SERPINE2: variants seen among roughly 807,000 people sequenced by gnomAD.
SERPINE2 encodes the protein glia-derived nexin.
A neutral mutation model predicts 36.3 loss-of-function variants in SERPINE2; 14 were observed. The observed-to-expected ratio is 0.39, with a 90% CI of 0.25 to 0.60. The LOEUF (loss-of-function observed/expected upper bound fraction) is 0.60. Ranked by LOEUF, SERPINE2 falls within the 20% of genes least tolerant of loss-of-function variation. The pLI, the probability that SERPINE2 is intolerant of heterozygous loss-of-function variation, is 0.57. For missense variants in SERPINE2, 418 were observed against 499.6 expected (o/e 0.84, Z 1.56); for synonymous variants, 192 against 191.8 (o/e 1.00, Z -0.01).
At chr2:223,987,932 T>C (rs1690499703) in intron 4 of SERPINE2, among the ~76,000 whole-genome samples, 1 of 152,214 alleles carries the variant, frequency 6.6e-6, no homozygotes, top group African/African-American at 2.4e-5. Flanking sequence ...TAAATATGGA[T>C]TTCCTGAGGA....
Position 223,975,859 on chromosome 2 carries a change from T to C in SERPINE2, c.*8A>G, listed in dbSNP as rs1689990412. ...TCGTTGCTTTGCATGGTTTCTTTTG[T>C]ATACTCTTCAGGGTTTGTTTATCTG... On this transcript the variant is annotated 3_prime_UTR_variant, in exon 9 of 9. Coordinates refer to ENST00000409304, the MANE Select transcript of SERPINE2 (RefSeq NM_001136528.2). 1.9e-6 allele frequency: 3 copies of C among 1,580,976 alleles called. No individual in the cohort carries two copies. Among genetic ancestry groups the C allele is most frequent in the Non-Finnish European group, 2.6e-6 (3 of 1,158,826 alleles).
intron 1 of SERPINE2, chr2:224,030,500 G>C (rs1448854529): frequency 1.3e-5 from 2 of 152,394 alleles, no homozygotes; most frequent in African/African-American, 2.4e-5. Context: ...CAACACTTCA[G>C]GGGTGGCCCT....
At chr2:223,990,039 C>G (rs1690598763) in intron 4 of SERPINE2, among the ~76,000 whole-genome samples, 2 of 152,106 alleles carry the variant, frequency 1.3e-5, no homozygotes, top group South Asian at 4.1e-4. Context: ...CACCCCCTGG[C>G]AGAAGCTGAA....
chr2:224,008,625 G>A (rs1207808026), intron 1 of SERPINE2, among the ~76,000 whole-genome samples: 5 of 152,048 alleles, frequency 3.3e-5, no homozygotes, highest in East Asian at 3.9e-4. Context: ...CTTGCTTTCC[G>A]GTTTGACTAG....
chr2:224,021,624 A>G (rs1270087125), intron 1 of SERPINE2, among the ~76,000 whole-genome samples: 1 of 152,258 alleles, frequency 6.6e-6, no homozygotes, highest in African/African-American at 2.4e-5. Context: ...TAGTAAGAGG[A>G]GGTGAAAATC....
intron 4 of SERPINE2, among the ~76,000 whole-genome samples, chr2:223,987,869 A>T (rs1328721642): frequency 6.6e-6 from 1 of 152,242 alleles, no homozygotes; most frequent in Non-Finnish European, 1.5e-5. Context: ...TAAATATTTA[A>T]TATCAGGAAA....
At chr2:223,993,561 T>C (rs950824926) in intron 3 of SERPINE2, among the ~76,000 whole-genome samples, 3 of 142,670 alleles carry the variant, frequency 2.1e-5, no homozygotes, top group African/African-American at 7.5e-5. Flanking sequence ...TGTGTGTGTA[T>C]GTGTGTATGT....
chr2:223,991,399 A>T (rs1690666705), intron 4 of SERPINE2, among the ~76,000 whole-genome samples: 1 of 152,156 alleles, frequency 6.6e-6, no homozygotes, highest in Non-Finnish European at 1.5e-5. Flanking sequence ...CAATGTTTTT[A>T]ATTTTTGCTG....
At chr2:224,009,410 A>T (rs1370858486) in intron 1 of SERPINE2, among the ~76,000 whole-genome samples, 1 of 152,158 alleles carries the variant, frequency 6.6e-6, no homozygotes, top group Non-Finnish European at 1.5e-5. Flanking sequence ...AAATAAATGT[A>T]CAGGCCGGGC....
chr2:223,998,038 A>G (rs1690961922), intron 3 of SERPINE2, 77 bp downstream of exon 3: 1 of 1,191,768 alleles, frequency 8.4e-7, no homozygotes, highest in Non-Finnish European at 1.2e-6. Flanking sequence ...ACTTGCAGAC[A>G]CCACTTTGAA....
intron 1 of SERPINE2, among the ~76,000 whole-genome samples, chr2:224,007,699 T>TACA (rs1284306904): frequency 6.6e-6 from 1 of 152,236 alleles, no homozygotes; most frequent in Non-Finnish European, 1.5e-5. Flanking sequence ...TGCAACTGGT[T>TACA]ACACCTCTTG....
At chr2:224,004,237 A>T (rs1691304303) in intron 1 of SERPINE2, among the ~76,000 whole-genome samples, 1 of 152,214 alleles carries the variant, frequency 6.6e-6, no homozygotes, top group Non-Finnish European at 1.5e-5. Context: ...TCGAGCAAGG[A>T]CTGTGGGCAC....
In SERPINE2 at chr2:224,034,393, GA is replaced by G. The variant is rs1351512089; in HGVS notation, c.-23+4705del. On this transcript the variant is annotated intron_variant, in intron 1 of 8. Coordinates refer to ENST00000409304, the MANE Select transcript of SERPINE2 (RefSeq NM_001136528.2). ...CAGAGGTACAGAAGGAGCAAAGGCAGAAAAGCACTGGGCGGTACCAGTGCAG... is the reference window on the plus strand; with the variant it reads ...CAGAGGTACAGAAGGAGCAAAGGCAGAAAGCACTGGGCGGTACCAGTGCAG... 5.9e-5 allele frequency among the ~76,000 whole-genome samples: 9 copies of G among 152,278 alleles called. No individual in the cohort carries two copies. The South Asian group carries it at 1.2e-3, about 21-fold the overall frequency.
At chr2:223,988,468 T>C (rs1246004204) in intron 4 of SERPINE2, among the ~76,000 whole-genome samples, 1 of 152,154 alleles carries the variant, frequency 6.6e-6, no homozygotes, top group Admixed American at 6.6e-5. Flanking sequence ...CATGGTGCCT[T>C]GGCATAAATG....
In SERPINE2 at chr2:223,982,387, G is replaced by A. The variant is rs145784383; in HGVS notation, c.985+294C>T. 326 of 257,170 alleles carry A rather than the reference G, an allele frequency of 1.3e-3. 1 individual carries two copies. Among genetic ancestry groups the A allele is most frequent in the African/African-American group, 6.9e-3 (303 of 43,808 alleles). 15.9% of individuals were successfully genotyped at this position (257,170 alleles called of 1,614,324 possible). A position where few individuals can be genotyped will look rare whatever the true frequency, so the allele number is the denominator to read the frequency against. On this transcript the variant is annotated intron_variant, in intron 6 of 8. Coordinates refer to ENST00000409304, the MANE Select transcript of SERPINE2 (RefSeq NM_001136528.2). ...ATATTGAGTACAACGTATACTACTC[G>A]GGGGAGGGGTGTACTAAAATCTCAG... is the stretch of plus-strand genomic sequence containing the variant.
intron 1 of SERPINE2, among the ~76,000 whole-genome samples, chr2:224,032,100 C>A (rs1692398737): frequency 6.6e-6 from 1 of 152,190 alleles, no homozygotes; most frequent in Admixed American, 6.5e-5. Context: ...ATAATCTTAA[C>A]AGTGACCAAA....
intron 6 of SERPINE2, chr2:223,982,366 T>C (rs1690254112): frequency 5.2e-6 from 1 of 192,998 alleles, no homozygotes; most frequent in Non-Finnish European, 1.1e-5. Context: ...TAATACATAT[T>C]GAGTACAACG....
chr2:224,020,132 C>T (rs1028677223), intron 1 of SERPINE2, among the ~76,000 whole-genome samples: 1 of 152,142 alleles, frequency 6.6e-6, no homozygotes, highest in Non-Finnish European at 1.5e-5. Flanking sequence ...TATCACTTAA[C>T]CACATTTACA....
At chr2:224,023,243 T>G (rs1692073614) in intron 1 of SERPINE2, among the ~76,000 whole-genome samples, 1 of 152,208 alleles carries the variant, frequency 6.6e-6, no homozygotes, top group Non-Finnish European at 1.5e-5. Flanking sequence ...GTCTGGTAAT[T>G]GTTAGTCAGT....
Sources: allele counts gnomAD v4.1 joint callset (sites outside exome capture counted in the v4.1 genomes callset), GRCh38; gene constraint gnomAD v4.1.1; transcripts MANE v1.5; gene names NCBI Gene and HGNC (gene_info 2026-07-23, HGNC 2026-07-21).